Variants in PAK5 observed in about 807,000 individuals in gnomAD.
PAK5 encodes serine/threonine-protein kinase PAK 5.
In PAK5, 16 loss-of-function variants were observed where a neutral mutation model predicts 65.9. That is an observed-to-expected ratio of 0.24 (90% confidence interval 0.16 to 0.37). The LOEUF (loss-of-function observed/expected upper bound fraction) is 0.37. PAK5 is among the 10% of genes least tolerant of loss of function. PAK5 has a pLI of 1.00. For missense variants in PAK5, 785 were observed against 903.9 expected (o/e 0.87, Z 1.69); for synonymous variants, 371 against 354.9 (o/e 1.05, Z -0.51).
chr20:9,570,803 A>T (rs1455013131), intron 4 of PAK5, among the ~76,000 whole-genome samples: 1 of 152,234 alleles, frequency 6.6e-6, no homozygotes, highest in African/African-American at 2.4e-5. Context: ...TAAAAATGGG[A>T]AAGCTGCATC....
chr20:9,581,036 A>C (rs1202686780), intron 3 of PAK5, 106 bp from the exon 4 acceptor site: 2 of 771,732 alleles, frequency 2.6e-6, no homozygotes, highest in African/African-American at 3.5e-5. Flanking sequence ...AGAAGAAAAA[A>C]GACCCCGGGA....
rs542930070 is a variant in PAK5, at chr20:9,701,850, A to T, written c.-12+9436T>A. ...CTCGTCTGTACTAAAAATATAAAAA[A>T]TTAGTCAGGTGTGGTGGCCTGCACC... On this transcript the variant is annotated intron_variant, in intron 2 of 9. Coordinates refer to ENST00000353224, the MANE Select transcript of PAK5 (RefSeq NM_177990.4). Among the ~76,000 whole-genome samples, 13 of 152,076 alleles carry T rather than the reference A, an allele frequency of 8.5e-5. 1 individual carries two copies. The South Asian group carries it at 2.7e-3, about 32-fold the overall frequency.
intron 1 of PAK5, among the ~76,000 whole-genome samples, chr20:9,745,124 T>C (rs1235499260): frequency 6.6e-6 from 1 of 152,138 alleles, no homozygotes; most frequent in Non-Finnish European, 1.5e-5. Context: ...AAGCTAACTA[T>C]AAGTAATATT....
intron 3 of PAK5, among the ~76,000 whole-genome samples, chr20:9,629,318 T>C (rs2046891137): frequency 6.6e-6 from 1 of 152,174 alleles, no homozygotes; most frequent in Admixed American, 6.5e-5. Context: ...TTTTGATACC[T>C]GGAAGTGGGG....
chr20:9,591,871 C>G (rs974724147), intron 3 of PAK5, among the ~76,000 whole-genome samples: 1 of 152,046 alleles, frequency 6.6e-6, no homozygotes, highest in African/African-American at 2.4e-5. Context: ...ACAATCTTTA[C>G]AAATGTGGAA....
chr20:9,593,260 T>C (rs1402017851), intron 3 of PAK5, among the ~76,000 whole-genome samples: 1 of 151,890 alleles, frequency 6.6e-6, no homozygotes, highest in Non-Finnish European at 1.5e-5. Flanking sequence ...GGTATAATCA[T>C]ACCACTTTAC....
At chr20:9,682,043 T>A (rs1484041131) in intron 2 of PAK5, among the ~76,000 whole-genome samples, 1 of 152,174 alleles carries the variant, frequency 6.6e-6, no homozygotes, top group Non-Finnish European at 1.5e-5. Flanking sequence ...ATTTTGAAGC[T>A]ATGTTGACAG....
chr20:9,592,972 C>T (rs1648574280), intron 3 of PAK5, among the ~76,000 whole-genome samples: 1 of 152,044 alleles, frequency 6.6e-6, no homozygotes, highest in Admixed American at 6.6e-5. Context: ...TAACTCTTAG[C>T]AAATGCCAAA....
rs2045212147 is a variant in PAK5 at position 9,538,910 on chromosome 20, G to A, written c.*552C>T. ...TTCTCTTAAAGGGATAAAAAAGTAG[G>A]AAAGGCTTTGTTCAAACTCCTCTAG... On this transcript the variant is annotated 3_prime_UTR_variant, in exon 10 of 10. Coordinates refer to ENST00000353224, the MANE Select transcript of PAK5 (RefSeq NM_177990.4). 1 of 233,048 alleles carries A rather than the reference G, an allele frequency of 4.3e-6. No individual in the cohort carries two copies. Among genetic ancestry groups the A allele is most frequent in the Admixed American group, 5.6e-5 (1 of 17,766 alleles). The allele number at this position is 233,048 out of a possible 1,614,324, so 14.4% of individuals were successfully genotyped here.
chr20:9,785,656 G>A (rs2048984621), intron 1 of PAK5, among the ~76,000 whole-genome samples: 2 of 151,992 alleles, frequency 1.3e-5, no homozygotes, highest in African/African-American at 4.8e-5. Flanking sequence ...ATCTTAGAGG[G>A]GAAAAAAATG....
chr20:9,564,106 T>TA (rs1322003193), intron 5 of PAK5, among the ~76,000 whole-genome samples: 2 of 152,214 alleles, frequency 1.3e-5, no homozygotes, highest in Non-Finnish European at 2.9e-5. Flanking sequence ...CTAACACTGA[T>TA]ACCCTGACTT....
At chr20:9,809,384 T>C (rs2049272024) in intron 1 of PAK5, among the ~76,000 whole-genome samples, 3 of 150,178 alleles carry the variant, frequency 2.0e-5, no homozygotes, top group African/African-American at 7.4e-5. Context: ...ACTCCGATTC[T>C]AGGGTTTGGG....
intron 7 of PAK5, among the ~76,000 whole-genome samples, chr20:9,553,463 T>A (rs1303427477): frequency 6.6e-6 from 1 of 152,184 alleles, no homozygotes; most frequent in Non-Finnish European, 1.5e-5. Flanking sequence ...GCACAGGACT[T>A]CCTGGTGCTG....
At chr20:9,655,469 C>G (rs1341996894) in intron 2 of PAK5, among the ~76,000 whole-genome samples, 1 of 151,714 alleles carries the variant, frequency 6.6e-6, no homozygotes, top group Non-Finnish European at 1.5e-5. Context: ...AATAAAAAAG[C>G]AAACCTTGGC....
intron 1 of PAK5, among the ~76,000 whole-genome samples, chr20:9,755,558 A>G (rs2048624434): frequency 6.6e-6 from 1 of 152,156 alleles, no homozygotes; most frequent in South Asian, 2.1e-4. Flanking sequence ...TGATTCAGCC[A>G]TGCATCTGAC....
chr20:9,807,720 T>C lies in PAK5; in HGVS notation c.-162+31042A>G, dbSNP rs191962906. On this transcript the variant is annotated intron_variant, in intron 1 of 9. Coordinates refer to ENST00000353224, the MANE Select transcript of PAK5 (RefSeq NM_177990.4). ...GGCCTTGTGGCTAGGTTTTGGTCAA[T>C]GCAAAGTGGGCAACAGTAACGACTC... Among the ~76,000 whole-genome samples, 509 of 150,760 alleles carry C rather than the reference T, an allele frequency of 3.4e-3. 2 individuals are homozygous for C. The highest frequency in any genetic ancestry group is 0.01 in the Middle Eastern group (3 of 288).
intron 3 of PAK5, among the ~76,000 whole-genome samples, chr20:9,620,920 T>C (rs1050115966): frequency 3.4e-5 from 5 of 148,298 alleles, no homozygotes; most frequent in African/African-American, 1.0e-4. Flanking sequence ...TAATATATTG[T>C]AACCAAAGGT....
chr20:9,804,427 G>A (rs1447558491), intron 1 of PAK5, among the ~76,000 whole-genome samples: 1 of 152,160 alleles, frequency 6.6e-6, no homozygotes, highest in African/African-American at 2.4e-5. Flanking sequence ...TCTATGGTCA[G>A]TTGATTTATG....
intron 7 of PAK5, among the ~76,000 whole-genome samples, chr20:9,547,844 C>T (rs1056146230): frequency 4.6e-5 from 7 of 152,150 alleles, no homozygotes; most frequent in Non-Finnish European, 7.4e-5. Context: ...TCAGTTTCCA[C>T]TTTAACAAGA....
Sources: gnomAD v4.1 joint callset for allele counts (sites outside exome capture counted in the v4.1 genomes callset) on GRCh38, gnomAD v4.1.1 for gene constraint, MANE v1.5 for transcripts, NCBI Gene and HGNC (gene_info 2026-07-23, HGNC 2026-07-21) for gene names.